FLT3: variants seen among roughly 807,000 people sequenced by gnomAD.
The protein encoded by FLT3 is receptor-type tyrosine-protein kinase FLT3.
FLT3 carries 46 observed loss-of-function variants against 126.6 expected under a neutral mutation model. The ratio of observed to expected loss-of-function variants is 0.36; its 90% CI spans 0.29 to 0.46. The LOEUF is 0.46. FLT3 is among the 20% of genes least tolerant of loss of function. The pLI, the probability that FLT3 is intolerant of heterozygous loss-of-function variation, is 1.00. For missense variants in FLT3, 1,069 were observed against 1,190.3 expected (o/e 0.90, Z 1.50); for synonymous variants, 404 against 434.4 (o/e 0.93, Z 0.87).
chr13:28,071,684 G>A (rs896289941), intron 1 of FLT3, among the ~76,000 whole-genome samples: 5 of 151,984 alleles, frequency 3.3e-5, no homozygotes, highest in African/African-American at 4.8e-5. Context: ...CGGTTGGTCC[G>A]ACTCCCCAGA....
chr13:28,005,531 AT>A (rs995892672), intron 23 of FLT3, among the ~76,000 whole-genome samples: 5 of 151,060 alleles, frequency 3.3e-5, no homozygotes, highest in South Asian at 2.1e-4. Flanking sequence ...ATGGCCACAT[AT>A]TTTTTTTTCA....
At chr13:28,017,696 C>A (rs1487605313) in intron 20 of FLT3, among the ~76,000 whole-genome samples, 23 of 133,822 alleles carry the variant, frequency 1.7e-4, no homozygotes, top group Middle Eastern at 5.3e-3. Flanking sequence ...CAGAGCTTTG[C>A]TCTTGTTGCC....
intron 23 of FLT3, among the ~76,000 whole-genome samples, chr13:28,008,325 AT>A (rs1217076530): frequency 1.4e-5 from 2 of 147,750 alleles, no homozygotes; most frequent in African/African-American, 5.0e-5. Flanking sequence ...ATTGATTTTC[AT>A]TTTTCTTTGT....
chr13:28,054,510 C>T (rs1875832657), intron 4 of FLT3, among the ~76,000 whole-genome samples: 2 of 151,976 alleles, frequency 1.3e-5, no homozygotes, highest in South Asian at 4.2e-4. Flanking sequence ...TCGCTTGAGC[C>T]CAGGAGTTCG....
chr13:28,023,513 C>T (rs2137640260), intron 18 of FLT3, 36 bp from the exon 19 acceptor site: 1 of 1,609,236 alleles, frequency 6.2e-7, no homozygotes, highest in Non-Finnish European at 8.5e-7. Context: ...TTTGCCAAAA[C>T]TCTAAGAAGT....
chr13:28,091,302 A>G (rs1331754011), intron 1 of FLT3, among the ~76,000 whole-genome samples: 10 of 130,930 alleles, frequency 7.6e-5, no homozygotes, highest in South Asian at 2.5e-4. Context: ...GCTCACTGCA[A>G]GCTCCGCCTC....
intron 1 of FLT3, among the ~76,000 whole-genome samples, chr13:28,072,800 G>A (rs912216572): frequency 8.0e-5 from 12 of 150,374 alleles, no homozygotes; most frequent in African/African-American, 2.7e-4. Flanking sequence ...TCAGGAGCTC[G>A]AGACCATCCT....
intron 2 of FLT3, chr13:28,068,293 T>A (rs911276111): frequency 2.6e-5 from 4 of 152,236 alleles, no homozygotes; most frequent in African/African-American, 9.7e-5. Context: ...AGTATAGTCA[T>A]CTCTTAAAAG....
At chr13:28,074,254 T>C (rs1877776075) in intron 1 of FLT3, among the ~76,000 whole-genome samples, 1 of 152,212 alleles carries the variant, frequency 6.6e-6, no homozygotes, top group South Asian at 2.1e-4. Flanking sequence ...GTTCATTCCT[T>C]TTAATTACCA....
intron 15 of FLT3, among the ~76,000 whole-genome samples, chr13:28,030,762 G>T (rs1280277691): frequency 6.6e-6 from 1 of 151,686 alleles, no homozygotes; most frequent in Non-Finnish European, 1.5e-5. Flanking sequence ...ATAAAAATTA[G>T]CTGGGCTTGG....
At chr13:28,093,137 G>A (rs927678651) in intron 1 of FLT3, among the ~76,000 whole-genome samples, 2 of 151,472 alleles carry the variant, frequency 1.3e-5, no homozygotes, top group Non-Finnish European at 2.9e-5. Context: ...TGTTGCCCAG[G>A]CTGGCCTCAA....
chr13:28,011,498 G>A (rs1871358307), intron 23 of FLT3, among the ~76,000 whole-genome samples: 1 of 135,978 alleles, frequency 7.4e-6, no homozygotes, highest in Non-Finnish European at 1.6e-5. Context: ...GGCTGTGTGG[G>A]TTGTGCCTTG....
rs1870793473 is a variant in FLT3, at chr13:28,005,410, G to A, written c.2860-1236C>T. ...GCTATGCACACACAATTTTGTGTCT[G>A]TGGGCTCAGGCTATATATTCTATTT... On this transcript the variant is annotated intron_variant, in intron 23 of 23. Transcript: ENST00000241453. Among the ~76,000 whole-genome samples the A allele has an allele frequency of 2.0e-5, 3 of 152,192 alleles. No individual in the cohort carries two copies. The South Asian group carries it at 6.2e-4, about 31-fold the overall frequency.
At chr13:28,054,512 A>C (rs1050040403) in intron 4 of FLT3, among the ~76,000 whole-genome samples, 2 of 152,082 alleles carry the variant, frequency 1.3e-5, no homozygotes, top group Non-Finnish European at 2.9e-5. Context: ...GCTTGAGCCC[A>C]GGAGTTCGAG....
intron 1 of FLT3, among the ~76,000 whole-genome samples, chr13:28,084,070 T>C (rs1197335472): frequency 6.6e-6 from 1 of 152,102 alleles, no homozygotes; most frequent in Non-Finnish European, 1.5e-5. Context: ...TTGCCTTGGC[T>C]GGACTTGAAC....
intron 3 of FLT3, among the ~76,000 whole-genome samples, chr13:28,059,766 C>T (rs974120771): frequency 7.3e-5 from 11 of 151,384 alleles, no homozygotes; most frequent in African/African-American, 2.7e-4. Flanking sequence ...CGGAGACCAT[C>T]TTGTCCAACA....
intron 10 of FLT3, among the ~76,000 whole-genome samples, chr13:28,036,704 G>A (rs2491233): frequency 1.3e-5 from 2 of 152,098 alleles, no homozygotes; most frequent in Non-Finnish European, 2.9e-5. Context: ...ATGGCCAGGT[G>A]CAGTGGCTCT....
intron 1 of FLT3, among the ~76,000 whole-genome samples, chr13:28,094,745 C>A (rs1389580181): frequency 6.6e-6 from 1 of 152,204 alleles, no homozygotes; most frequent in Non-Finnish European, 1.5e-5. Flanking sequence ...CAGTGATCCT[C>A]CCACCTAGGC....
At chr13:28,020,356 A>T (rs1192373252) in intron 19 of FLT3, among the ~76,000 whole-genome samples, 1 of 151,868 alleles carries the variant, frequency 6.6e-6, no homozygotes, top group Non-Finnish European at 1.5e-5. Context: ...AAAATTTTTT[A>T]TTTTTATTTT....
Sources: gnomAD v4.1 joint callset for allele counts (sites outside exome capture counted in the v4.1 genomes callset) on GRCh38, gnomAD v4.1.1 for gene constraint, MANE v1.5 for transcripts, NCBI Gene and HGNC (gene_info 2026-07-23, HGNC 2026-07-21) for gene names.